The following DRC9 variants were observed in gnomAD, a reference collection of about 807,000 sequenced individuals.
DRC9 encodes dynein regulatory complex subunit 9.
At chr3:197,930,531 A>T in the DRC9 span, among the ~76,000 whole-genome samples, 1 of 148,080 alleles carries the variant, frequency 6.8e-6, no homozygotes, top group Admixed American at 6.7e-5. Flanking sequence ...GTTTGAGCCC[A>T]CGATTTTGAG....
At chr3:197,899,000 TA>T in the DRC9 span, among the ~76,000 whole-genome samples, 11 of 152,014 alleles carry the variant, frequency 7.2e-5, no homozygotes, top group African/African-American at 2.2e-4. Flanking sequence ...TTTAAAATTG[TA>T]AAAAAAACTA....
chr3:197,889,345 C>G, the DRC9 span: 1 of 538,800 alleles, frequency 1.9e-6, no homozygotes, highest in Non-Finnish European at 3.3e-6. Flanking sequence ...AAACTTCTTC[C>G]CAGCAAGGTA....
the DRC9 span, among the ~76,000 whole-genome samples, chr3:197,948,844 C>T: frequency 3.7e-4 from 57 of 152,332 alleles, no homozygotes; most frequent in Admixed American, 3.2e-3. Context: ...AATTCCAGTA[C>T]TCAATATCCT....
chr3:197,948,340 C>T, the DRC9 span, among the ~76,000 whole-genome samples: 8 of 152,322 alleles, frequency 5.3e-5, no homozygotes, highest in Admixed American at 3.3e-4. Flanking sequence ...TTCGCTGACT[C>T]GTCAGGCCAG....
the DRC9 span, among the ~76,000 whole-genome samples, chr3:197,890,257 TAGTC>T: frequency 4.3e-4 from 65 of 152,038 alleles, no homozygotes; most frequent in African/African-American, 9.9e-4. Context: ...GAAAAAAAAT[TAGTC>T]AGGCCTGGTG....
chr3:197,939,058 G>T, the DRC9 span: 1 of 349,490 alleles, frequency 2.9e-6, no homozygotes, highest in East Asian at 5.9e-5. Flanking sequence ...CATTTCTCAT[G>T]TTGTAATTTT....
chr3:197,889,852 C>T, the DRC9 span: 8 of 973,370 alleles, frequency 8.2e-6, no homozygotes, highest in Admixed American at 4.0e-5. Context: ...TAGCCAGGCA[C>T]GTAATCACTT....
chr3:197,948,416 G>A, the DRC9 span, among the ~76,000 whole-genome samples: 182 of 152,286 alleles, frequency 1.2e-3, 1 homozygote, highest in African/African-American at 3.5e-3. Context: ...TGTTACGTTA[G>A]TGTCAGTTTC....
chr3:197,951,979 T>A, the DRC9 span, among the ~76,000 whole-genome samples: 16 of 152,254 alleles, frequency 1.1e-4, no homozygotes, highest in South Asian at 8.3e-4. Context: ...TAGAAGGACG[T>A]TACTTCTGAG....
the DRC9 span, chr3:197,938,711 T>G: frequency 1.9e-6 from 3 of 1,614,010 alleles, no homozygotes; most frequent in Non-Finnish European, 1.7e-6. Flanking sequence ...GGACTGGGTA[T>G]TTTTGTGATT....
the DRC9 span, among the ~76,000 whole-genome samples, chr3:197,942,316 G>A: frequency 2.0e-4 from 30 of 147,458 alleles, no homozygotes; most frequent in Admixed American, 1.2e-3. Context: ...CCCGGGAGGC[G>A]GAGCTTGCAG....
the DRC9 span, chr3:197,926,200 G>C: frequency 1.4e-6 from 1 of 699,646 alleles, no homozygotes; most frequent in East Asian, 2.7e-5. Flanking sequence ...CAGATTCCTG[G>C]CCTCTTCCCC....
chr3:197,938,776 C>T, the DRC9 span: 4 of 1,606,016 alleles, frequency 2.5e-6, no homozygotes, highest in Non-Finnish European at 3.4e-6. Flanking sequence ...CATTTCTCTG[C>T]TTTTCTTTTA....
chr3:197,906,515 G>A, the DRC9 span: 1 of 151,866 alleles, frequency 6.6e-6, no homozygotes, highest in South Asian at 2.1e-4. Context: ...TTTTAGTAAG[G>A]TATCTGTCAC....
chr3:197,954,355 A>G, the DRC9 span: 2 of 605,372 alleles, frequency 3.3e-6, no homozygotes, highest in Admixed American at 2.7e-5. Flanking sequence ...TTGGGGGGAG[A>G]CAGGGTCTCA....
the DRC9 span, chr3:197,889,318 C>A: frequency 6.5e-6 from 3 of 461,398 alleles, no homozygotes; most frequent in African/African-American, 5.8e-5. Context: ...AAGAATGAAT[C>A]TTCACAGGAC....
the DRC9 span, among the ~76,000 whole-genome samples, chr3:197,953,321 A>T: frequency 1.3e-5 from 2 of 152,192 alleles, no homozygotes; most frequent in Non-Finnish European, 2.9e-5. Context: ...GGCTGCAGTG[A>T]GCTATGATTG....
chr3:197,897,855 C>T, the DRC9 span, among the ~76,000 whole-genome samples: 1 of 150,530 alleles, frequency 6.6e-6, no homozygotes, highest in Non-Finnish European at 1.5e-5. Context: ...CACTGAAGCT[C>T]CGCCTCCCGG....
At chr3:197,933,412 G>A in the DRC9 span, among the ~76,000 whole-genome samples, 2 of 152,032 alleles carry the variant, frequency 1.3e-5, no homozygotes, top group African/African-American at 4.8e-5. Context: ...CTGCACTCCA[G>A]CCTGGGCAAC....
Sources: allele counts gnomAD v4.1 joint callset (sites outside exome capture counted in the v4.1 genomes callset), GRCh38; gene constraint gnomAD v4.1.1; transcripts MANE v1.5; gene names NCBI Gene and HGNC (gene_info 2026-07-23, HGNC 2026-07-21).